CNBD1: variants seen among roughly 807,000 people sequenced by gnomAD.
CNBD1 encodes cyclic nucleotide binding domain containing 1, also known as cyclic nucleotide-binding domain-containing protein 1.
Under a neutral mutation model 54.4 loss-of-function variants are expected in CNBD1, and 71 were observed. The observed-to-expected ratio is 1.30, with a 90% CI of 1.08 to 1.59. CNBD1 has a LOEUF of 1.59. Ranked by LOEUF, CNBD1 falls within the 40% of genes most tolerant of loss-of-function variation. CNBD1 has a pLI of 0.00. For synonymous variants in CNBD1, 182 were observed against 170.7 expected (o/e 1.07, Z -0.51); for missense variants, 659 against 518.0 (o/e 1.27, Z -2.64).
intron 3 of CNBD1, among the ~76,000 whole-genome samples, chr8:86,914,337 G>T (rs960303718): frequency 2.0e-5 from 3 of 152,240 alleles, no homozygotes; most frequent in African/African-American, 7.2e-5. Context: ...TCCGTTCAGG[G>T]TCCCTGACTT....
intron 2 of CNBD1, among the ~76,000 whole-genome samples, chr8:86,902,026 C>G (rs761547694): frequency 6.6e-5 from 10 of 152,216 alleles, no homozygotes; most frequent in South Asian, 2.1e-4. Flanking sequence ...TTTATATAAG[C>G]GTAGGCAGGT....
At chr8:87,401,533 T>C (rs1166253408) in intron 2 of CNBD1, among the ~76,000 whole-genome samples, 1 of 152,096 alleles carries the variant, frequency 6.6e-6, no homozygotes, top group Non-Finnish European at 1.5e-5. Flanking sequence ...ACATTATGCA[T>C]TGTTTATCTT....
At chr8:87,031,372 T>C (rs927831425) in intron 4 of CNBD1, among the ~76,000 whole-genome samples, 1 of 152,126 alleles carries the variant, frequency 6.6e-6, no homozygotes, top group Non-Finnish European at 1.5e-5. Context: ...AGCATCAAAC[T>C]GAGGTTCAGA....
intron 4 of CNBD1, among the ~76,000 whole-genome samples, chr8:87,040,772 T>C (rs957129093): frequency 2.0e-5 from 3 of 151,630 alleles, no homozygotes; most frequent in Admixed American, 6.6e-5. Flanking sequence ...TTTGTGTGTT[T>C]TTTAAAATTA....
intron 10 of CNBD1, among the ~76,000 whole-genome samples, chr8:87,369,506 C>T (rs186694077): frequency 7.2e-4 from 109 of 152,100 alleles, no homozygotes; most frequent in Non-Finnish European, 2.1e-4. Flanking sequence ...GTGACAAGTT[C>T]TCTCAGTCTT....
At chr8:87,372,595 T>C (rs949893141) in intron 10 of CNBD1, among the ~76,000 whole-genome samples, 1 of 151,894 alleles carries the variant, frequency 6.6e-6, no homozygotes, top group African/African-American at 2.4e-5. Context: ...TATGCTGTTA[T>C]AAACATTGAT....
At chr8:87,394,823 C>A (rs964843363) in intron 2 of CNBD1, among the ~76,000 whole-genome samples, 1 of 151,584 alleles carries the variant, frequency 6.6e-6, no homozygotes, top group Admixed American at 6.6e-5. Flanking sequence ...TCTTTTTCTG[C>A]TGGTTTTTAA....
intron 6 of CNBD1, among the ~76,000 whole-genome samples, chr8:87,241,399 T>G (rs920027619): frequency 1.3e-5 from 2 of 150,636 alleles, no homozygotes; most frequent in Non-Finnish European, 2.9e-5. Flanking sequence ...GCCTCCCCAG[T>G]AGCTGGGACT....
intron 4 of CNBD1, among the ~76,000 whole-genome samples, chr8:87,084,029 T>C (rs1306616508): frequency 6.6e-6 from 1 of 152,210 alleles, no homozygotes; most frequent in Non-Finnish European, 1.5e-5. Context: ...GTCACTCATA[T>C]TTGGCTCAGA....
At chr8:87,339,841 A>G (rs1810029149) in intron 8 of CNBD1, among the ~76,000 whole-genome samples, 1 of 152,074 alleles carries the variant, frequency 6.6e-6, no homozygotes, top group African/African-American at 2.4e-5. Context: ...GATGCTGTTT[A>G]TTTATTAACG....
At chr8:87,016,715 C>T (rs1468530173) in intron 4 of CNBD1, among the ~76,000 whole-genome samples, 1 of 152,098 alleles carries the variant, frequency 6.6e-6, no homozygotes, top group Non-Finnish European at 1.5e-5. Flanking sequence ...TGAATTAATG[C>T]AGGACCCACA....
At position 87,182,763 on chromosome 8, in the gene CNBD1, G is replaced by GT. The variant is rs375191449; in HGVS notation, c.432-23227dup. On this transcript the variant is annotated intron_variant, in intron 4 of 10. Transcript: ENST00000518476. This position sits in a 1 kb window ranked among gnomAD's most constrained non-coding sequence, Gnocchi z 4.1. ...GTTGTTTGCTTTTGCTTGTTGAATT[G>GT]TTTAAGTACCTAATAGTTTCTGGAT... 4.1e-4 allele frequency among the ~76,000 whole-genome samples: 62 copies of GT among 152,196 alleles called. 1 individual carries two copies. Among genetic ancestry groups the GT allele is most frequent in the African/African-American group, 1.4e-3 (60 of 41,538 alleles).
At chr8:86,965,697 C>T (rs559202086) in intron 4 of CNBD1, among the ~76,000 whole-genome samples, 27 of 152,170 alleles carry the variant, frequency 1.8e-4, no homozygotes, top group African/African-American at 4.3e-4. Flanking sequence ...TCTGTGGCTG[C>T]GGGTGGCTTT....
intron 4 of CNBD1, among the ~76,000 whole-genome samples, chr8:87,127,682 G>A (rs193258928): frequency 1.6e-4 from 25 of 152,214 alleles, no homozygotes; most frequent in Admixed American, 8.5e-4. Context: ...CCACTTCAAT[G>A]TTTAACAAGA....
intron 5 of CNBD1, among the ~76,000 whole-genome samples, chr8:87,231,723 T>C (rs1807440994): frequency 6.6e-6 from 1 of 152,144 alleles, no homozygotes; most frequent in Non-Finnish European, 1.5e-5. Context: ...CCCTAAACAC[T>C]TCAGAGTGTA....
chr8:87,322,200 T>C (rs1333422066), intron 8 of CNBD1, among the ~76,000 whole-genome samples: 1 of 122,504 alleles, frequency 8.2e-6, no homozygotes, highest in East Asian at 2.0e-4. Context: ...ATCCAGTCTA[T>C]CATTGTTGGA....
At chr8:87,342,660 C>T (rs1810090792) in intron 8 of CNBD1, among the ~76,000 whole-genome samples, 1 of 151,990 alleles carries the variant, frequency 6.6e-6, no homozygotes, top group Non-Finnish European at 1.5e-5. Context: ...AGGGTGCCAT[C>T]ACATATTGGT....
intron 4 of CNBD1, among the ~76,000 whole-genome samples, chr8:87,047,447 T>C (rs1205054418): frequency 1.3e-5 from 2 of 152,182 alleles, no homozygotes; most frequent in African/African-American, 4.8e-5. Flanking sequence ...AGTCTTGCTG[T>C]ATAGATGAGC....
At position 87,391,338 on chromosome 8, in the gene CNBD1, A is replaced by T. The variant is rs771371936; in HGVS notation, c.214-37208A>T. ...CAGTCCCTATCAAAACCCCAGCTTG[A>T]TTATTTTCAGAAAGCCACAAGCTAA... On this transcript the variant is annotated intron_variant, in intron 2 of 7. Coordinates refer to the CNBD1 transcript ENST00000521593. Among the ~76,000 whole-genome samples the T allele has an allele frequency of 4.9e-4, 74 of 152,272 alleles. 1 individual carries two copies. Among genetic ancestry groups the T allele is most frequent in the Non-Finnish European group, 9.4e-4 (64 of 68,018 alleles).
Sources: allele counts gnomAD v4.1 joint callset (sites outside exome capture counted in the v4.1 genomes callset), GRCh38; gene constraint gnomAD v4.1.1; non-coding constraint Gnocchi (gnomAD v3.1); transcripts MANE v1.5; gene names NCBI Gene and HGNC (gene_info 2026-07-23, HGNC 2026-07-21).